The following CHCHD3 variants were observed in gnomAD, a reference collection of about 807,000 sequenced individuals.
The protein encoded by CHCHD3 is MICOS complex subunit MIC19.
In CHCHD3, 20 loss-of-function variants were observed where a neutral mutation model predicts 38.2. That is an observed-to-expected ratio of 0.52 (90% CI 0.37 to 0.76). The LOEUF (loss-of-function observed/expected upper bound fraction) is 0.76, where lower values mean the gene tolerates loss of function less well. CHCHD3 is among the 30% of genes least tolerant of loss of function. The pLI, the probability that CHCHD3 is intolerant of heterozygous loss-of-function variation, is 0.00. For synonymous variants in CHCHD3, 82 were observed against 100.0 expected, an observed-to-expected ratio of 0.82 and a Z score of 1.07; for missense variants, 245 against 279.2, an observed-to-expected ratio of 0.88 and a Z score of 0.87.
At chr7:133,008,608 T>G (rs1352296805) in intron 3 of CHCHD3, among the ~76,000 whole-genome samples, 1 of 152,148 alleles carries the variant, frequency 6.6e-6, no homozygotes, top group African/African-American at 2.4e-5. Context: ...ATTAGCCATA[T>G]GAAATGTCTG....
At chr7:132,908,066 G>A (rs1809841036) in intron 4 of CHCHD3, among the ~76,000 whole-genome samples, 1 of 152,088 alleles carries the variant, frequency 6.6e-6, no homozygotes, top group Non-Finnish European at 1.5e-5. Context: ...ATATTTAAGA[G>A]ATCAGTCACG....
At chr7:132,904,720 A>T (rs1220739380) in intron 4 of CHCHD3, among the ~76,000 whole-genome samples, 1 of 152,194 alleles carries the variant, frequency 6.6e-6, no homozygotes, top group Non-Finnish European at 1.5e-5. Flanking sequence ...ATACCATTTG[A>T]CCCATCCATC....
At chr7:132,805,326 A>G (rs966562190) in intron 6 of CHCHD3, among the ~76,000 whole-genome samples, 1 of 149,094 alleles carries the variant, frequency 6.7e-6, no homozygotes, top group Admixed American at 6.7e-5. Flanking sequence ...AGTGTGGGGG[A>G]AGGGGTAGTC....
chr7:132,910,021 A>G (rs995949452), intron 4 of CHCHD3, among the ~76,000 whole-genome samples: 26 of 152,238 alleles, frequency 1.7e-4, no homozygotes, highest in African/African-American at 5.8e-4. Flanking sequence ...ATTTGAACTG[A>G]GCAAGTGCAC....
rs189490942 is a variant in CHCHD3 at position 133,078,102 on chromosome 7, G to A, written c.81+3755C>T. ...GTGGGTAGATCACTTGAGGTCAGGA[G>A]TTTGAGACCAGCCTGGCCAACATGG... On this transcript the variant is annotated intron_variant, in intron 1 of 7. Coordinates refer to ENST00000262570, the MANE Select transcript of CHCHD3 (RefSeq NM_017812.4). Among the ~76,000 whole-genome samples the A allele has an allele frequency of 4.9e-3, 745 of 152,260 alleles. 1 individual carries two copies. The highest frequency in any genetic ancestry group is 8.6e-3 in the Admixed American group (132 of 15,300).
intron 2 of CHCHD3, among the ~76,000 whole-genome samples, chr7:133,058,775 T>C (rs1584678290): frequency 6.6e-6 from 1 of 152,236 alleles, no homozygotes; most frequent in Non-Finnish European, 1.5e-5. Context: ...GACATCATTA[T>C]ACGCATTCCC....
At chr7:132,968,930 TTTC>T (rs993041696) in intron 4 of CHCHD3, among the ~76,000 whole-genome samples, 7 of 152,180 alleles carry the variant, frequency 4.6e-5, no homozygotes, top group Non-Finnish European at 7.3e-5. Context: ...TCAAAACCGT[TTTC>T]TTTTTTACCA....
At chr7:133,017,400 A>G (rs1813058438) in intron 3 of CHCHD3, among the ~76,000 whole-genome samples, 1 of 152,242 alleles carries the variant, frequency 6.6e-6, no homozygotes, top group South Asian at 2.1e-4. Context: ...TCTTTTATGC[A>G]AGGAATAATA....
At chr7:133,019,961 T>A (rs1009913126) in intron 3 of CHCHD3, among the ~76,000 whole-genome samples, 1 of 151,996 alleles carries the variant, frequency 6.6e-6, no homozygotes, top group Non-Finnish European at 1.5e-5. Context: ...TCAGCTATAA[T>A]CCAAACACAC....
At chr7:133,056,592 AAAT>A (rs1281135570) in intron 2 of CHCHD3, among the ~76,000 whole-genome samples, 1 of 152,196 alleles carries the variant, frequency 6.6e-6, no homozygotes, top group Non-Finnish European at 1.5e-5. Flanking sequence ...ATAAATAAAT[AAAT>A]GTTTGTTGGA....
At chr7:132,823,224 A>G (rs1807429122) in intron 6 of CHCHD3, among the ~76,000 whole-genome samples, 1 of 152,208 alleles carries the variant, frequency 6.6e-6, no homozygotes, top group Admixed American at 6.5e-5. Context: ...ATAAATTAAA[A>G]GAGAAAAAAA....
chr7:132,855,936 C>T (rs1051529274), intron 5 of CHCHD3, among the ~76,000 whole-genome samples: 2 of 151,846 alleles, frequency 1.3e-5, no homozygotes, highest in African/African-American at 2.4e-5. Flanking sequence ...TATAGAGGAC[C>T]AGTAAACAAG....
intron 3 of CHCHD3, among the ~76,000 whole-genome samples, chr7:133,009,167 C>G (rs1812789635): frequency 6.6e-6 from 1 of 151,760 alleles, no homozygotes; most frequent in African/African-American, 2.4e-5. Context: ...AGCTTGAGAC[C>G]AGCCTGGCCA....
At chr7:132,968,114 T>C (rs1181907228) in intron 4 of CHCHD3, among the ~76,000 whole-genome samples, 1 of 152,160 alleles carries the variant, frequency 6.6e-6, no homozygotes, top group African/African-American at 2.4e-5. Flanking sequence ...CATAAGGTTG[T>C]ATATGCATTC....
chr7:133,006,515 A>C (rs892498526), intron 3 of CHCHD3, among the ~76,000 whole-genome samples: 1 of 151,976 alleles, frequency 6.6e-6, no homozygotes, highest in Non-Finnish European at 1.5e-5. Flanking sequence ...AAAATTAATG[A>C]AAATACTAGC....
chr7:133,072,364 C>A (rs985855153), intron 1 of CHCHD3, among the ~76,000 whole-genome samples: 3 of 152,022 alleles, frequency 2.0e-5, no homozygotes, highest in African/African-American at 7.2e-5. Flanking sequence ...ATGTGCCAGG[C>A]GCTACACTAA....
At chr7:132,958,870 G>A (rs1000015571) in intron 4 of CHCHD3, among the ~76,000 whole-genome samples, 3 of 152,222 alleles carry the variant, frequency 2.0e-5, no homozygotes, top group Non-Finnish European at 4.4e-5. Flanking sequence ...TGACAAGGTA[G>A]CAAAATAGTA....
rs541066614 is a variant in CHCHD3, at chr7:133,074,964, A to G, written c.82-4735T>C. Among the ~76,000 whole-genome samples the G allele has an allele frequency of 6.6e-5, 10 of 152,286 alleles. No homozygotes were observed. The South Asian group carries it at 1.0e-3, about 16-fold the overall frequency. On this transcript the variant is annotated intron_variant, in intron 1 of 7. Transcript: ENST00000262570. ...AATTCATTTTGGTTCATTTTTATCAACTGGGTCTGAGCTTGTACTGACTCG... is the reference window on the plus strand; with the variant it reads ...AATTCATTTTGGTTCATTTTTATCAGCTGGGTCTGAGCTTGTACTGACTCG...
chr7:132,845,162 A>G (rs1317887894), intron 5 of CHCHD3: 1 of 152,230 alleles, frequency 6.6e-6, no homozygotes, highest in African/African-American at 2.4e-5. Flanking sequence ...CTTAACCTCA[A>G]CAGTTACTTT....
Sources: allele counts gnomAD v4.1 joint callset (sites outside exome capture counted in the v4.1 genomes callset), GRCh38; gene constraint gnomAD v4.1.1; transcripts MANE v1.5; gene names NCBI Gene and HGNC (gene_info 2026-07-23, HGNC 2026-07-21).